LPAR3: variants seen among roughly 807,000 people sequenced by gnomAD.
The protein encoded by LPAR3 is LPA receptor 3.
LPAR3 carries 7 observed loss-of-function variants against 17.8 expected under a neutral mutation model. The ratio of observed to expected loss-of-function variants is 0.39; its 90% CI spans 0.22 to 0.74. LPAR3 has a LOEUF of 0.74. Among genes scored for constraint, LPAR3 ranks in the 30% least tolerant of loss-of-function variants. The pLI is 0.40. For missense variants in LPAR3, 391 were observed against 453.4 expected (o/e 0.86, Z 1.25); for synonymous variants, 179 against 179.9 (o/e 0.99, Z 0.04).
At chr1:84,845,771 A>G (rs1659584637) in intron 2 of LPAR3, among the ~76,000 whole-genome samples, 2 of 152,208 alleles carry the variant, frequency 1.3e-5, no homozygotes, top group Admixed American at 1.3e-4. Context: ...GATAAACTCA[A>G]CATGTATTTA....
chr1:84,879,930 A>C (rs1392151032), intron 1 of LPAR3, among the ~76,000 whole-genome samples: 1 of 152,240 alleles, frequency 6.6e-6, no homozygotes, highest in African/African-American at 2.4e-5. Context: ...AGTTTCTATC[A>C]ACAAGAAAAT....
At chr1:84,863,303 C>A (rs1659975837) in intron 2 of LPAR3, among the ~76,000 whole-genome samples, 1 of 152,004 alleles carries the variant, frequency 6.6e-6, no homozygotes, top group South Asian at 2.1e-4. Flanking sequence ...CTTTCTTTCT[C>A]AATTTTACTC....
At chr1:84,876,973 C>T (rs1046705785) in intron 1 of LPAR3, among the ~76,000 whole-genome samples, 13 of 152,198 alleles carry the variant, frequency 8.5e-5, no homozygotes, top group African/African-American at 3.1e-4. Flanking sequence ...AATGAGTGAT[C>T]TACCCATGGT....
At chr1:84,860,928 G>A (rs552450182) in intron 2 of LPAR3, among the ~76,000 whole-genome samples, 6 of 151,726 alleles carry the variant, frequency 4.0e-5, no homozygotes, top group Admixed American at 2.6e-4. Flanking sequence ...TAGTAGAGAC[G>A]GGGTTTCACC....
chr1:84,827,668 G>T (rs1201916506), intron 2 of LPAR3, among the ~76,000 whole-genome samples: 1 of 152,230 alleles, frequency 6.6e-6, no homozygotes, highest in African/African-American at 2.4e-5. Context: ...CATTCAGTTT[G>T]CTAATTTACA....
chr1:84,867,058 C>T (rs1022698355), intron 1 of LPAR3, among the ~76,000 whole-genome samples: 3 of 152,180 alleles, frequency 2.0e-5, no homozygotes, highest in Admixed American at 2.0e-4. Context: ...TCTTCAGACA[C>T]TTGTCTGAAA....
chr1:84,880,256 A>G (rs550043312), intron 1 of LPAR3, among the ~76,000 whole-genome samples: 1 of 152,302 alleles, frequency 6.6e-6, no homozygotes, highest in South Asian at 2.1e-4. Flanking sequence ...CTTGAACAGA[A>G]CCAGAACATG....
At chr1:84,892,041 G>GTTT (rs1660561364) in intron 1 of LPAR3, among the ~76,000 whole-genome samples, 1 of 151,776 alleles carries the variant, frequency 6.6e-6, no homozygotes, top group Non-Finnish European at 1.5e-5. Flanking sequence ...GTGGAACCCC[G>GTTT]TCTCTACTAA....
At chr1:84,823,833 T>C (rs1659100529) in intron 2 of LPAR3, among the ~76,000 whole-genome samples, 1 of 152,098 alleles carries the variant, frequency 6.6e-6, no homozygotes, top group African/African-American at 2.4e-5. Context: ...AGAGAAAAGG[T>C]GTGAGATCAG....
chr1:84,859,135 A>G (rs2102762438), intron 2 of LPAR3, among the ~76,000 whole-genome samples: 1 of 152,280 alleles, frequency 6.6e-6, no homozygotes, highest in East Asian at 1.9e-4. Flanking sequence ...CATGAGACCA[A>G]AGAGAACAGT....
At chr1:84,854,058 C>T (rs942683) in intron 2 of LPAR3, among the ~76,000 whole-genome samples, 4,726 of 152,316 alleles carry the variant, frequency 0.031, 113 homozygotes, top group Non-Finnish European at 0.049. Context: ...TCTTAGATAT[C>T]TGACAATGAA....
At chr1:84,840,140 T>C (rs538236083) in intron 2 of LPAR3, among the ~76,000 whole-genome samples, 1 of 152,002 alleles carries the variant, frequency 6.6e-6, no homozygotes, top group South Asian at 2.1e-4. Flanking sequence ...GCCCAGCTGG[T>C]TTCAAACTCC....
intron 2 of LPAR3, among the ~76,000 whole-genome samples, chr1:84,865,053 A>G (rs1660011555): frequency 6.6e-6 from 1 of 152,014 alleles, no homozygotes; most frequent in Non-Finnish European, 1.5e-5. Flanking sequence ...GTCATCTTCC[A>G]GGCATCCCTC....
At chr1:84,857,145 A>G (rs1659844903) in intron 2 of LPAR3, among the ~76,000 whole-genome samples, 1 of 152,052 alleles carries the variant, frequency 6.6e-6, no homozygotes, top group African/African-American at 2.4e-5. Context: ...GATGGCACCA[A>G]CAGTAGGCTT....
At chr1:84,842,010 T>C (rs1570875036) in intron 2 of LPAR3, among the ~76,000 whole-genome samples, 2 of 151,192 alleles carry the variant, frequency 1.3e-5, no homozygotes. Flanking sequence ...AAAAAAAAAG[T>C]TTGTAGGGGA....
chr1:84,825,325 C>G (rs1390486475), intron 2 of LPAR3, among the ~76,000 whole-genome samples: 1 of 152,200 alleles, frequency 6.6e-6, no homozygotes, highest in African/African-American at 2.4e-5. Flanking sequence ...TATTCAATAT[C>G]TAACATGCAA....
intron 2 of LPAR3, among the ~76,000 whole-genome samples, chr1:84,818,176 A>G (rs1658978967): frequency 6.6e-6 from 1 of 152,240 alleles, no homozygotes; most frequent in African/African-American, 2.4e-5. Context: ...ATTCATATAC[A>G]ATGATTAAAA....
intron 2 of LPAR3, among the ~76,000 whole-genome samples, chr1:84,824,602 G>C (rs989336055): frequency 2.6e-5 from 4 of 152,184 alleles, no homozygotes; most frequent in African/African-American, 9.7e-5. Flanking sequence ...GCTATGGAAG[G>C]AGCATGATGA....
chr1:84,875,228 T>C (rs1660234890), intron 1 of LPAR3, among the ~76,000 whole-genome samples: 1 of 152,208 alleles, frequency 6.6e-6, no homozygotes. Context: ...AGTGTGAACA[T>C]TCACAGCTGA....
Sources: gnomAD v4.1 joint callset for allele counts (sites outside exome capture counted in the v4.1 genomes callset) on GRCh38, gnomAD v4.1.1 for gene constraint, MANE v1.5 for transcripts, NCBI Gene and HGNC (gene_info 2026-07-23, HGNC 2026-07-21) for gene names.